SPOCK1: variants seen among roughly 807,000 people sequenced by gnomAD.
SPOCK1 encodes the protein testican-1.
In SPOCK1, 23 loss-of-function variants were observed where a neutral mutation model predicts 55.3. The ratio of observed to expected loss-of-function variants is 0.42; its 90% CI spans 0.30 to 0.59. SPOCK1 has a LOEUF of 0.59. Among genes scored for constraint, SPOCK1 ranks in the 20% least tolerant of loss-of-function variants. The probability of loss-of-function intolerance (pLI) is 0.22; values close to 1 mark genes in which losing one functional copy is unlikely to be tolerated. For missense variants in SPOCK1, 499 were observed against 552.5 expected, an observed-to-expected ratio of 0.90 and a Z score of 0.97; for synonymous variants, 226 against 221.0, an observed-to-expected ratio of 1.02 and a Z score of -0.20.
At chr5:137,406,863 A>G (rs137869853) in intron 2 of SPOCK1, among the ~76,000 whole-genome samples, 11 of 152,348 alleles carry the variant, frequency 7.2e-5, no homozygotes, top group South Asian at 2.1e-4. Flanking sequence ...AGAGGACTCA[A>G]TGAATTATTC....
intron 2 of SPOCK1, among the ~76,000 whole-genome samples, chr5:137,356,828 T>TAGAGAG (rs1750820221): frequency 3.4e-4 from 5 of 14,914 alleles, no homozygotes; most frequent in African/African-American, 6.0e-4. Flanking sequence ...TATATATATA[T>TAGAGAG]ATATATATAT....
chr5:137,052,830 T>C (rs1215844919), intron 6 of SPOCK1, among the ~76,000 whole-genome samples: 1 of 152,170 alleles, frequency 6.6e-6, no homozygotes, highest in Non-Finnish European at 1.5e-5. Flanking sequence ...AAATTTATTC[T>C]TTGTATTTTG....
At chr5:137,093,075 T>C (rs1753078446) in intron 5 of SPOCK1, among the ~76,000 whole-genome samples, 1 of 152,204 alleles carries the variant, frequency 6.6e-6, no homozygotes, top group African/African-American at 2.4e-5. Flanking sequence ...AAAATATTCA[T>C]TAGGGCAGAG....
intron 2 of SPOCK1, among the ~76,000 whole-genome samples, chr5:137,478,536 T>C (rs1205323707): frequency 1.3e-5 from 2 of 152,214 alleles, no homozygotes; most frequent in Non-Finnish European, 2.9e-5. Context: ...ATAAAATGTT[T>C]GTTTTTAGAA....
intron 1 of SPOCK1, 39 bp from the exon 2 acceptor site, chr5:137,498,597 CG>C: frequency 2.3e-6 from 3 of 1,281,104 alleles, no homozygotes; most frequent in Non-Finnish European, 2.9e-6. Context: ...GCGAAGAGGG[CG>C]GGCGGCCGCG....
chr5:137,023,434 C>T (rs1454974384), intron 6 of SPOCK1, among the ~76,000 whole-genome samples: 1 of 152,118 alleles, frequency 6.6e-6, no homozygotes, highest in African/African-American at 2.4e-5. Context: ...ATCTTGAAGA[C>T]ACATTCTGGT....
intron 4 of SPOCK1, among the ~76,000 whole-genome samples, chr5:137,130,921 T>C (rs7727059): frequency 0.022 from 3,291 of 152,326 alleles, 116 homozygotes; most frequent in African/African-American, 0.075. Context: ...CTCCTGGCCC[T>C]CTGCACCCTC....
chr5:137,234,052 G>A (rs1427285258), intron 3 of SPOCK1, among the ~76,000 whole-genome samples: 1 of 152,156 alleles, frequency 6.6e-6, no homozygotes, highest in Non-Finnish European at 1.5e-5. Context: ...CCATGAGGAT[G>A]AGAAGACATC....
intron 4 of SPOCK1, among the ~76,000 whole-genome samples, chr5:137,121,783 A>G (rs960368657): frequency 1.5e-4 from 22 of 146,786 alleles, no homozygotes; most frequent in African/African-American, 5.4e-4. Context: ...TAAAATAGGG[A>G]TACTAATATC....
intron 2 of SPOCK1, among the ~76,000 whole-genome samples, chr5:137,283,383 GC>G (rs1204284883): frequency 4.6e-5 from 7 of 152,146 alleles, no homozygotes; most frequent in Non-Finnish European, 8.8e-5. Flanking sequence ...ATGCCTGTCG[GC>G]CTCAGTCAGA....
intron 2 of SPOCK1, among the ~76,000 whole-genome samples, chr5:137,353,509 C>T (rs962768094): frequency 5.3e-5 from 8 of 152,200 alleles, no homozygotes; most frequent in African/African-American, 1.9e-4. Context: ...CACCTGCCAC[C>T]ACACACCTCG....
chr5:137,090,447 A>ACACAAGCAT (rs1196821735), intron 5 of SPOCK1, among the ~76,000 whole-genome samples: 1 of 152,178 alleles, frequency 6.6e-6, no homozygotes, highest in Non-Finnish European at 1.5e-5. Flanking sequence ...ACAAGCATAG[A>ACACAAGCAT]CTGTTCAGGG....
intron 3 of SPOCK1, among the ~76,000 whole-genome samples, chr5:137,252,010 CCA>C (rs888621179): frequency 3.3e-5 from 5 of 152,152 alleles, no homozygotes; most frequent in Admixed American, 3.3e-4. Context: ...ACTGCAACCT[CCA>C]CCTCCCAGGT....
At chr5:137,463,477 A>G in intron 2 of SPOCK1, among the ~76,000 whole-genome samples, 1 of 145,408 alleles carries the variant, frequency 6.9e-6, no homozygotes, top group Non-Finnish European at 1.5e-5. Context: ...CCATTGAACT[A>G]ATGGAGATAG....
At chr5:137,121,931 ATAACAGTAT>A (rs1753694250) in intron 4 of SPOCK1, among the ~76,000 whole-genome samples, 1 of 145,664 alleles carries the variant, frequency 6.9e-6, no homozygotes. Flanking sequence ...CTGTTATTAT[ATAACAGTAT>A]TATATATGAT....
At chr5:137,294,365 G>A (rs1757435826) in intron 2 of SPOCK1, among the ~76,000 whole-genome samples, 1 of 152,178 alleles carries the variant, frequency 6.6e-6, no homozygotes, top group Non-Finnish European at 1.5e-5. Flanking sequence ...CAAAAACCCT[G>A]TATTAGTTAC....
At chr5:137,024,499 C>T (rs888428035) in intron 6 of SPOCK1, among the ~76,000 whole-genome samples, 1 of 151,958 alleles carries the variant, frequency 6.6e-6, no homozygotes, top group African/African-American at 2.4e-5. Context: ...AGAAAATGAC[C>T]TGCTTACTGC....
Position 137,070,046 on chromosome 5 carries a change from G to T in SPOCK1, c.475-2217C>A, listed in dbSNP as rs191007006. Among the ~76,000 whole-genome samples the T allele has an allele frequency of 4.6e-3, 699 of 152,250 alleles. 4 individuals are homozygous for T. The highest frequency in any genetic ancestry group is 8.1e-3 in the Admixed American group (124 of 15,292). On this transcript the variant is annotated intron_variant, in intron 5 of 10. Transcript: ENST00000394945. ...GTAGGAGGGTCAACTTTCCCACCAG[G>T]TCTAGCCACATGCTCACTCCAACCA...
chr5:137,190,031 T>C lies in SPOCK1; in HGVS notation c.233-49337A>G, dbSNP rs554665006. Among the ~76,000 whole-genome samples the C allele has an allele frequency of 2.1e-4, 32 of 151,672 alleles. 1 individual carries two copies. The highest frequency in any genetic ancestry group is 4.1e-4 in the Non-Finnish European group (28 of 67,928). On this transcript the variant is annotated intron_variant, in intron 3 of 10. Coordinates refer to ENST00000394945, the MANE Select transcript of SPOCK1 (RefSeq NM_004598.4). ...AATTACTATAATTTCTTAATAAAAC[T>C]TGAACAGATGAGGAGTTGCTTCCTA...
Sources: gnomAD v4.1 joint callset for allele counts (sites outside exome capture counted in the v4.1 genomes callset) on GRCh38, gnomAD v4.1.1 for gene constraint, MANE v1.5 for transcripts, NCBI Gene and HGNC (gene_info 2026-07-23, HGNC 2026-07-21) for gene names.